The following PPARGC1A variants were observed in gnomAD, a reference collection of about 807,000 sequenced individuals.
PPARGC1A encodes the protein PPARG coactivator 1 alpha.
A neutral mutation model predicts 88.7 loss-of-function variants in PPARGC1A; 25 were observed. The ratio of observed to expected loss-of-function variants is 0.28; its 90% CI spans 0.21 to 0.39. PPARGC1A has a LOEUF of 0.39. Among genes scored for constraint, PPARGC1A ranks in the 10% least tolerant of loss-of-function variants. PPARGC1A has a pLI of 1.00. For synonymous variants in PPARGC1A, 363 were observed against 355.6 expected, an observed-to-expected ratio of 1.02 and a Z score of -0.24; for missense variants, 880 against 968.7, an observed-to-expected ratio of 0.91 and a Z score of 1.22.
At chr4:24,271,742 C>T in the PPARGC1A span, among the ~76,000 whole-genome samples, 1 of 152,076 alleles carries the variant, frequency 6.6e-6, no homozygotes, top group African/African-American at 2.4e-5. Flanking sequence ...GCCTTAGATT[C>T]CTGTTCTTTA....
At chr4:24,193,685 T>C in the PPARGC1A span, among the ~76,000 whole-genome samples, 1 of 152,194 alleles carries the variant, frequency 6.6e-6, no homozygotes, top group Non-Finnish European at 1.5e-5. Flanking sequence ...GTCAATTTCT[T>C]CCTGGGTTTT....
chr4:23,852,940 A>G (rs1338652802), intron 2 of PPARGC1A, among the ~76,000 whole-genome samples: 2 of 152,190 alleles, frequency 1.3e-5, no homozygotes, highest in Admixed American at 6.5e-5. Context: ...AAAAAAAACT[A>G]TAATGCACTT....
chr4:24,287,071 G>A, the PPARGC1A span, among the ~76,000 whole-genome samples: 5 of 151,938 alleles, frequency 3.3e-5, no homozygotes, highest in Admixed American at 6.6e-5. Flanking sequence ...TCTCAACCAC[G>A]GTACCACCGA....
At chr4:24,029,186 T>G in the PPARGC1A span, among the ~76,000 whole-genome samples, 3 of 152,192 alleles carry the variant, frequency 2.0e-5, no homozygotes, top group Non-Finnish European at 4.4e-5. Context: ...CTGATCAGAC[T>G]TTGACTCTCT....
the PPARGC1A span, among the ~76,000 whole-genome samples, chr4:24,338,038 C>T: frequency 2.0e-5 from 3 of 152,202 alleles, no homozygotes; most frequent in African/African-American, 2.4e-5. Flanking sequence ...ACCCTCAGCA[C>T]TTCACCCTGC....
At chr4:24,218,118 T>G in the PPARGC1A span, among the ~76,000 whole-genome samples, 1 of 152,228 alleles carries the variant, frequency 6.6e-6, no homozygotes, top group Non-Finnish European at 1.5e-5. Context: ...TGTTTTCCTG[T>G]GTGTGGATAG....
At chr4:24,092,163 T>C in the PPARGC1A span, among the ~76,000 whole-genome samples, 6 of 152,268 alleles carry the variant, frequency 3.9e-5, no homozygotes, top group East Asian at 5.8e-4. Flanking sequence ...ATTCCCATAG[T>C]TGAATTCTGA....
the PPARGC1A span, among the ~76,000 whole-genome samples, chr4:24,197,134 A>C: frequency 6.6e-6 from 1 of 152,352 alleles, no homozygotes; most frequent in Admixed American, 6.5e-5. Context: ...CAGGATGTGC[A>C]TTTATGATGC....
the PPARGC1A span, among the ~76,000 whole-genome samples, chr4:24,466,914 A>G: frequency 7.1e-6 from 1 of 141,646 alleles, no homozygotes; most frequent in African/African-American, 2.6e-5. Context: ...GAAGGAAGGA[A>G]GGAAGGGAAG....
At chr4:23,801,036 AGTT>A (rs1262750172) in intron 12 of PPARGC1A, among the ~76,000 whole-genome samples, 1 of 149,400 alleles carries the variant, frequency 6.7e-6, no homozygotes, top group East Asian at 2.0e-4. Flanking sequence ...CTTCTCTCTT[AGTT>A]GTAGTTCATA....
chr4:24,167,520 A>G, the PPARGC1A span, among the ~76,000 whole-genome samples: 3 of 152,228 alleles, frequency 2.0e-5, no homozygotes, highest in Non-Finnish European at 4.4e-5. Context: ...ATCAGAAGGC[A>G]TTACATGCTA....
At chr4:24,468,965 A>G in the PPARGC1A span, among the ~76,000 whole-genome samples, 2 of 117,622 alleles carry the variant, frequency 1.7e-5, no homozygotes, top group African/African-American at 3.2e-5. Context: ...TTGATCTAGA[A>G]ATAAAAAGCT....
chr4:24,405,909 C>T, the PPARGC1A span, among the ~76,000 whole-genome samples: 2 of 151,960 alleles, frequency 1.3e-5, no homozygotes, highest in African/African-American at 4.8e-5. Context: ...TTCTTTCCCT[C>T]CTTCCTTCCC....
At chr4:24,099,710 T>C in the PPARGC1A span, among the ~76,000 whole-genome samples, 2 of 152,132 alleles carry the variant, frequency 1.3e-5, no homozygotes, top group African/African-American at 2.4e-5. Flanking sequence ...GTGGCTGTTG[T>C]AAAATGTAAG....
chr4:23,800,990 AAGC>A (rs1469591113), intron 12 of PPARGC1A, among the ~76,000 whole-genome samples: 2 of 151,124 alleles, frequency 1.3e-5, no homozygotes, highest in Non-Finnish European at 2.9e-5. Context: ...TTTTTAAAGA[AAGC>A]AGAGTGTGAT....
chr4:24,245,889 A>C, the PPARGC1A span, among the ~76,000 whole-genome samples: 399 of 151,636 alleles, frequency 2.6e-3, 4 homozygotes, highest in African/African-American at 9.4e-3. Context: ...TTATTAGTAC[A>C]TGGTTTGTTT....
the PPARGC1A span, among the ~76,000 whole-genome samples, chr4:24,103,709 G>A: frequency 1.3e-5 from 2 of 152,078 alleles, no homozygotes; most frequent in African/African-American, 4.8e-5. Context: ...GCTGTTGGTA[G>A]GGTGCTGAAG....
At chr4:24,282,472 C>T in the PPARGC1A span, among the ~76,000 whole-genome samples, 21 of 152,190 alleles carry the variant, frequency 1.4e-4, no homozygotes, top group Admixed American at 8.5e-4. Flanking sequence ...TTTTAGGTGA[C>T]GAGTGAAAAA....
the PPARGC1A span, among the ~76,000 whole-genome samples, chr4:24,208,732 C>T: frequency 0.08 from 11,815 of 147,652 alleles, 543 homozygotes; most frequent in East Asian, 0.17. Context: ...TACAGTAATA[C>T]GTATAATTCA....
Sources: allele counts gnomAD v4.1 joint callset (sites outside exome capture counted in the v4.1 genomes callset), GRCh38; gene constraint gnomAD v4.1.1; transcripts MANE v1.5; gene names NCBI Gene and HGNC (gene_info 2026-07-23, HGNC 2026-07-21).